CDH18: variants seen among roughly 807,000 people sequenced by gnomAD.
CDH18 encodes the protein cadherin-18.
CDH18 carries 31 observed loss-of-function variants against 67.9 expected under a neutral mutation model. The observed-to-expected ratio is 0.46, with a 90% CI of 0.34 to 0.62. The LOEUF is 0.62. Among genes scored for constraint, CDH18 ranks in the 20% least tolerant of loss-of-function variants. CDH18 has a pLI of 0.01. For synonymous variants in CDH18, 362 were observed against 347.2 expected (o/e 1.04, Z -0.48); for missense variants, 890 against 975.5 (o/e 0.91, Z 1.17).
intron 1 of CDH18, among the ~76,000 whole-genome samples, chr5:20,307,874 A>AATGGACT (rs1736611759): frequency 6.6e-6 from 1 of 152,168 alleles, no homozygotes; most frequent in South Asian, 2.1e-4. Flanking sequence ...TTTGTTTTAC[A>AATGGACT]ATGGTCACTT....
At position 20,395,077 on chromosome 5, in the gene CDH18, A is replaced by T. The variant is rs114743019; in HGVS notation, c.-579-139572T>A. On this transcript the variant is annotated intron_variant, in intron 1 of 14. Coordinates refer to the CDH18 transcript ENST00000507958. The stretch of plus-strand genomic sequence containing the variant: ...AGTTGATCTATTATTCAATACAGAA[A>T]TTCTATGACTGGGTATCTACCCAAA... 4.8e-3 allele frequency among the ~76,000 whole-genome samples: 737 copies of T among 152,294 alleles called. 7 individuals carry two copies. The highest frequency in any genetic ancestry group is 0.017 in the African/African-American group (687 of 41,580).
At chr5:19,935,420 T>C (rs1794128496) in intron 2 of CDH18, among the ~76,000 whole-genome samples, 1 of 151,314 alleles carries the variant, frequency 6.6e-6, no homozygotes, top group South Asian at 2.1e-4. Context: ...ATTAATACAG[T>C]ATTTTAATGT....
intron 1 of CDH18, among the ~76,000 whole-genome samples, chr5:20,326,823 G>C (rs539502271): frequency 6.6e-6 from 1 of 152,116 alleles, no homozygotes; most frequent in Non-Finnish European, 1.5e-5. Context: ...TCACCGGCTT[G>C]AGCCACCGGG....
intron 1 of CDH18, among the ~76,000 whole-genome samples, chr5:20,318,232 A>T (rs1188775679): frequency 1.3e-5 from 2 of 152,136 alleles, no homozygotes; most frequent in Non-Finnish European, 2.9e-5. Context: ...TCTTTATTTT[A>T]GGTTTATTTT....
intron 2 of CDH18, among the ~76,000 whole-genome samples, chr5:19,928,701 C>T (rs1793359617): frequency 6.6e-6 from 1 of 152,166 alleles, no homozygotes; most frequent in Non-Finnish European, 1.5e-5. Context: ...AGGAATGAAC[C>T]TGGGAAGAAA....
chr5:20,398,603 T>A (rs77684303), intron 1 of CDH18, among the ~76,000 whole-genome samples: 2 of 152,070 alleles, frequency 1.3e-5, no homozygotes, highest in East Asian at 1.9e-4. Flanking sequence ...CAAACCACCA[T>A]GGCACATGTA....
chr5:20,095,116 G>A (rs1745776419), intron 2 of CDH18, among the ~76,000 whole-genome samples: 2 of 151,752 alleles, frequency 1.3e-5, no homozygotes, highest in African/African-American at 4.8e-5. Context: ...GAGAACATAT[G>A]GGCACAGGGA....
chr5:19,721,538 G>A, intron 4 of CDH18, 72 bp from the exon 5 acceptor site: 1 of 1,435,664 alleles, frequency 7.0e-7, no homozygotes, highest in South Asian at 1.3e-5. Flanking sequence ...CACAGAAAAT[G>A]GGTATGCTGA....
At chr5:19,532,861 T>A (rs1178613459) in intron 9 of CDH18, among the ~76,000 whole-genome samples, 2 of 152,152 alleles carry the variant, frequency 1.3e-5, no homozygotes, top group African/African-American at 4.8e-5. Flanking sequence ...ACTGCATGGT[T>A]TATATGAGCA....
intron 2 of CDH18, among the ~76,000 whole-genome samples, chr5:20,227,410 C>G (rs528154979): frequency 6.6e-6 from 1 of 152,044 alleles, no homozygotes; most frequent in African/African-American, 2.4e-5. Flanking sequence ...AACTGGCACA[C>G]GACTGTGCTT....
chr5:19,588,905 T>C (rs1744656339), intron 7 of CDH18, among the ~76,000 whole-genome samples: 1 of 152,132 alleles, frequency 6.6e-6, no homozygotes, highest in South Asian at 2.1e-4. Flanking sequence ...CAGCAAGCTC[T>C]TAGAAACCTT....
intron 1 of CDH18, among the ~76,000 whole-genome samples, chr5:20,407,698 A>C (rs549111603): frequency 7.4e-5 from 11 of 148,862 alleles, no homozygotes; most frequent in African/African-American, 2.2e-4. Context: ...TTTGAATATC[A>C]CAGTCAGAAA....
At chr5:20,236,836 A>T (rs1358219534) in intron 2 of CDH18, among the ~76,000 whole-genome samples, 3 of 152,028 alleles carry the variant, frequency 2.0e-5, no homozygotes, top group Non-Finnish European at 4.4e-5. Context: ...TTTATGAGAC[A>T]GGTATTACCT....
chr5:20,522,882 C>T (rs1016039103), intron 1 of CDH18, among the ~76,000 whole-genome samples: 1 of 152,158 alleles, frequency 6.6e-6, no homozygotes, highest in Non-Finnish European at 1.5e-5. Flanking sequence ...CAATAACTCA[C>T]AGCCATATCA....
In CDH18 at chr5:19,785,707, T is replaced by A. The variant is rs1201188748; in HGVS notation, c.229-38471A>T. On this transcript the variant is annotated intron_variant, in intron 3 of 12. Transcript: ENST00000382275. Reference sequence around the variant, plus strand: ...ATATATATATATATATATATATATATATATATATATATATATATGCATGCA... The same window carrying A: ...ATATATATATATATATATATATATAAATATATATATATATATATGCATGCA... 2.5e-3 allele frequency among the ~76,000 whole-genome samples: 233 copies of A among 95,076 alleles called. 5 individuals carry two copies. The highest frequency in any genetic ancestry group is 3.6e-3 in the Non-Finnish European group (178 of 49,644). 62.4% of individuals were successfully genotyped at this position (95,076 alleles called of 152,430 possible).
At chr5:20,509,496 A>G (rs1342357823) in intron 1 of CDH18, among the ~76,000 whole-genome samples, 9 of 149,732 alleles carry the variant, frequency 6.0e-5, no homozygotes, top group African/African-American at 1.5e-4. Context: ...TCTGCCTCCC[A>G]GGTTCAAGCT....
intron 3 of CDH18, among the ~76,000 whole-genome samples, chr5:19,820,544 A>C (rs536380892): frequency 6.6e-6 from 1 of 152,318 alleles, no homozygotes; most frequent in South Asian, 2.1e-4. Flanking sequence ...TGACTCTGCC[A>C]AACTCAGAGG....
chr5:20,182,597 C>CAAAAAAAAAAAAAAAAAAAAAA (rs778083062), intron 2 of CDH18, among the ~76,000 whole-genome samples: 1 of 47,426 alleles, frequency 2.1e-5, no homozygotes, highest in Non-Finnish European at 4.2e-5. Flanking sequence ...AGCTAAATCT[C>CAAAAAAAAAAAAAAAAAAAAAA]AAAAAAAAAA....
chr5:20,091,392 G>A (rs1266119742), intron 2 of CDH18, among the ~76,000 whole-genome samples: 2 of 152,004 alleles, frequency 1.3e-5, no homozygotes, highest in Non-Finnish European at 2.9e-5. Context: ...TCAGGAGGCT[G>A]AGGCAGGAAG....
Sources: gnomAD v4.1 joint callset for allele counts (sites outside exome capture counted in the v4.1 genomes callset) on GRCh38, gnomAD v4.1.1 for gene constraint, MANE v1.5 for transcripts, NCBI Gene and HGNC (gene_info 2026-07-23, HGNC 2026-07-21) for gene names.